Variants in RIN3 observed in about 807,000 individuals in gnomAD.
RIN3 encodes RAB5 interacting protein 3.
Under a neutral mutation model 76.3 loss-of-function variants are expected in RIN3, and 54 were observed. The ratio of observed to expected loss-of-function variants is 0.71; its 90% CI spans 0.57 to 0.89. The LOEUF is 0.89. Ranked by LOEUF, RIN3 falls within the 40% of genes least tolerant of loss-of-function variation. RIN3 has a pLI of 0.00. For missense variants in RIN3, 1,256 were observed against 1,322.1 expected, an observed-to-expected ratio of 0.95 and a Z score of 0.78; for synonymous variants, 576 against 564.0, an observed-to-expected ratio of 1.02 and a Z score of -0.30.
At chr14:92,614,001 C>G (rs1239602437) in intron 3 of RIN3, among the ~76,000 whole-genome samples, 7 of 152,198 alleles carry the variant, frequency 4.6e-5, no homozygotes, top group African/African-American at 1.4e-4. Context: ...CCTGCTGAGC[C>G]TCTCTGGGCC....
At chr14:92,677,074 A>G (rs1888492772) in intron 8 of RIN3, among the ~76,000 whole-genome samples, 1 of 152,194 alleles carries the variant, frequency 6.6e-6, no homozygotes, top group Non-Finnish European at 1.5e-5. Flanking sequence ...GACAGTGACA[A>G]TCAGTTCTTA....
intron 8 of RIN3, among the ~76,000 whole-genome samples, chr14:92,677,104 G>A (rs189260406): frequency 3.3e-4 from 51 of 152,326 alleles, no homozygotes; most frequent in African/African-American, 1.2e-3. Flanking sequence ...GACCCCCAGG[G>A]ACTCTCGGCC....
chr14:92,646,307 G>C (rs1002299263), intron 5 of RIN3, among the ~76,000 whole-genome samples: 2 of 152,214 alleles, frequency 1.3e-5, no homozygotes, highest in African/African-American at 4.8e-5. Context: ...AAGGAAGCCT[G>C]GATTTGGCAT....
intron 1 of RIN3, among the ~76,000 whole-genome samples, chr14:92,538,152 T>C (rs1223802438): frequency 6.6e-6 from 1 of 151,882 alleles, no homozygotes; most frequent in Non-Finnish European, 1.5e-5. Flanking sequence ...GTATTTTTAG[T>C]AGAGACAGGG....
chr14:92,561,044 A>AAAAAATATATATAT (rs1555383856), intron 2 of RIN3, among the ~76,000 whole-genome samples: 2 of 24,402 alleles, frequency 8.2e-5, no homozygotes, highest in African/African-American at 1.3e-4. Flanking sequence ...AAAAAAAAAA[A>AAAAAATATATATAT]ATATATATAT....
chr14:92,640,713 C>T (rs1436760410), intron 4 of RIN3, among the ~76,000 whole-genome samples: 3 of 123,782 alleles, frequency 2.4e-5, no homozygotes, highest in Admixed American at 9.4e-5. Context: ...ACTGTGTGCT[C>T]GTCAGAGGCT....
intron 4 of RIN3, among the ~76,000 whole-genome samples, chr14:92,635,250 C>A (rs1402714738): frequency 6.6e-6 from 1 of 152,202 alleles, no homozygotes; most frequent in Non-Finnish European, 1.5e-5. Flanking sequence ...GCCCTCCAGA[C>A]CCCAAACTGG....
intron 7 of RIN3, among the ~76,000 whole-genome samples, chr14:92,673,758 G>A (rs1170776389): frequency 2.6e-5 from 4 of 152,146 alleles, no homozygotes; most frequent in African/African-American, 4.8e-5. Flanking sequence ...CGCATGCGTC[G>A]GCCTCCCAGA....
At chr14:92,633,800 T>C (rs1886672353) in intron 4 of RIN3, among the ~76,000 whole-genome samples, 1 of 152,122 alleles carries the variant, frequency 6.6e-6, no homozygotes, top group African/African-American at 2.4e-5. Flanking sequence ...GACTAGAAAC[T>C]ATCAGAATCT....
intron 2 of RIN3, among the ~76,000 whole-genome samples, chr14:92,557,330 G>A (rs1897619563): frequency 6.6e-6 from 1 of 152,222 alleles, no homozygotes; most frequent in South Asian, 2.1e-4. Flanking sequence ...AGCAGAGTGG[G>A]AATCTGGACC....
intron 5 of RIN3, among the ~76,000 whole-genome samples, chr14:92,646,777 G>A (rs1887217427): frequency 1.3e-5 from 2 of 152,162 alleles, no homozygotes; most frequent in Admixed American, 6.5e-5. Context: ...ACCAGAAAAG[G>A]CTGAGGATGA....
intron 6 of RIN3, among the ~76,000 whole-genome samples, chr14:92,653,308 C>T (rs983108309): frequency 9.2e-5 from 14 of 152,144 alleles, no homozygotes; most frequent in Non-Finnish European, 2.9e-5. Context: ...GTATTATCTG[C>T]ACCCTCTCTT....
At chr14:92,590,017 G>A (rs1316687013) in intron 3 of RIN3, among the ~76,000 whole-genome samples, 1 of 152,172 alleles carries the variant, frequency 6.6e-6, no homozygotes, top group African/African-American at 2.4e-5. Flanking sequence ...AACTCCCATG[G>A]GAACCAGTGC....
intron 8 of RIN3, among the ~76,000 whole-genome samples, chr14:92,679,324 GC>G (rs1888584325): frequency 6.6e-6 from 1 of 152,150 alleles, no homozygotes; most frequent in Non-Finnish European, 1.5e-5. Context: ...CTTGCCCATG[GC>G]AGCTCCAGGG....
At chr14:92,534,619 A>G (rs1347596605) in intron 1 of RIN3, among the ~76,000 whole-genome samples, 1 of 149,380 alleles carries the variant, frequency 6.7e-6, no homozygotes, top group Admixed American at 6.6e-5. Flanking sequence ...AGAAAGAAAG[A>G]AAGTATATGG....
chr14:92,678,873 C>T (rs1425627255), intron 8 of RIN3, among the ~76,000 whole-genome samples: 1 of 152,124 alleles, frequency 6.6e-6, no homozygotes, highest in African/African-American at 2.4e-5. Context: ...CCTTGGTTTC[C>T]CCAAGGAAGG....
chr14:92,570,319 GATAC>G (rs1898029023), intron 2 of RIN3, among the ~76,000 whole-genome samples: 1 of 23,552 alleles, frequency 4.2e-5, no homozygotes, highest in African/African-American at 1.7e-4. Context: ...CCTCGTGGCA[GATAC>G]ACACACACAC....
At chr14:92,677,400 C>A (rs888741316) in intron 8 of RIN3, among the ~76,000 whole-genome samples, 3 of 152,206 alleles carry the variant, frequency 2.0e-5, no homozygotes, top group African/African-American at 7.2e-5. Context: ...ACCATCCTCC[C>A]AGGCCCTGAG....
rs895428843 is a variant in RIN3, at chr14:92,645,417, A to C, written c.532+4088A>C. 3.3e-5 allele frequency among the ~76,000 whole-genome samples: 5 copies of C among 152,266 alleles called. No homozygotes were observed. The East Asian group carries it at 7.7e-4, about 23-fold the overall frequency. Reference sequence around the variant, plus strand: ...GTTAAAGAGTCTAAAGGGTTTATTCAGCTATAAAAAGGAATGAAGTGCAGG... The same window carrying C: ...GTTAAAGAGTCTAAAGGGTTTATTCCGCTATAAAAAGGAATGAAGTGCAGG... On this transcript the variant is annotated intron_variant, in intron 5 of 9. Transcript: ENST00000216487.
Sources: allele counts gnomAD v4.1 joint callset (sites outside exome capture counted in the v4.1 genomes callset), GRCh38; gene constraint gnomAD v4.1.1; transcripts MANE v1.5; gene names NCBI Gene and HGNC (gene_info 2026-07-23, HGNC 2026-07-21).